The following MC2R variants were observed in gnomAD, a reference collection of about 807,000 sequenced individuals.
MC2R encodes adrenocorticotropic hormone receptor.
Under a neutral mutation model 9.8 loss-of-function variants are expected in MC2R, and 9 were observed. The observed-to-expected ratio is 0.92, with a 90% CI of 0.55 to 1.60. The LOEUF (loss-of-function observed/expected upper bound fraction) is 1.60, where lower values mean the gene tolerates loss of function less well. MC2R is among the 40% of genes most tolerant of loss of function. The pLI is 0.00. For missense variants in MC2R, 370 were observed against 389.0 expected, an observed-to-expected ratio of 0.95 and a Z score of 0.41; for synonymous variants, 185 against 154.7, an observed-to-expected ratio of 1.20 and a Z score of -1.45.
intron 1 of MC2R, among the ~76,000 whole-genome samples, chr18:13,903,260 T>C (rs1179087267): frequency 6.6e-6 from 1 of 152,194 alleles, no homozygotes; most frequent in Non-Finnish European, 1.5e-5. Flanking sequence ...AAAATCAGTA[T>C]GACCATTATG....
chr18:13,886,042 A>G (rs10853245), intron 1 of MC2R, among the ~76,000 whole-genome samples: 85,028 of 149,652 alleles, frequency 0.57, 25,653 homozygotes, highest in African/African-American at 0.79. Flanking sequence ...ACACGTGGAT[A>G]TAGAGTGTGG....
chr18:13,891,090 T>G (rs1004966187), intron 1 of MC2R, among the ~76,000 whole-genome samples: 1 of 152,192 alleles, frequency 6.6e-6, no homozygotes, highest in Admixed American at 6.5e-5. Context: ...TTTGGAAAAC[T>G]GGGCTGTCAA....
intron 1 of MC2R, among the ~76,000 whole-genome samples, chr18:13,912,690 A>G (rs748965120): frequency 3.0e-4 from 46 of 152,196 alleles, no homozygotes; most frequent in South Asian, 1.0e-3. Context: ...GACCATCCCA[A>G]CTGCTTTGCT....
intron 1 of MC2R, among the ~76,000 whole-genome samples, chr18:13,896,794 A>T (rs2045348461): frequency 6.6e-6 from 1 of 152,254 alleles, no homozygotes; most frequent in Admixed American, 6.5e-5. Flanking sequence ...ATATACAATG[A>T]TATTCACTGA....
chr18:13,898,886 C>A (rs566983168), intron 1 of MC2R, among the ~76,000 whole-genome samples: 1 of 152,150 alleles, frequency 6.6e-6, no homozygotes. Flanking sequence ...ATCTGGAAAG[C>A]CTTCCCAAGG....
chr18:13,891,137 T>C (rs879931246), intron 1 of MC2R, among the ~76,000 whole-genome samples: 15 of 152,208 alleles, frequency 9.9e-5, no homozygotes, highest in Non-Finnish European at 7.4e-5. Context: ...GTGGCTCACG[T>C]CCACGGCCAG....
intron 1 of MC2R, among the ~76,000 whole-genome samples, chr18:13,886,381 C>T (rs938276848): frequency 4.6e-5 from 7 of 152,210 alleles, no homozygotes; most frequent in Admixed American, 6.5e-5. Flanking sequence ...CGTGAACACA[C>T]GTGAGTGTGG....
At chr18:13,893,952 A>G (rs2045331590) in intron 1 of MC2R, among the ~76,000 whole-genome samples, 1 of 152,244 alleles carries the variant, frequency 6.6e-6, no homozygotes, top group South Asian at 2.1e-4. Context: ...CCTAAGCAAT[A>G]TTACATTGGA....
intron 1 of MC2R, among the ~76,000 whole-genome samples, chr18:13,886,999 T>G (rs772289050): frequency 1.9e-4 from 29 of 152,218 alleles, no homozygotes; most frequent in Non-Finnish European, 4.1e-4. Flanking sequence ...CTGCCTGGAA[T>G]GGCCAATTTA....
chr18:13,891,514 G>C (rs1328988971), intron 1 of MC2R, among the ~76,000 whole-genome samples: 2 of 152,274 alleles, frequency 1.3e-5, no homozygotes, highest in African/African-American at 2.4e-5. Flanking sequence ...CCTTCCATAG[G>C]GGCTATCCTG....
At chr18:13,890,717 G>A (rs974179893) in intron 1 of MC2R, among the ~76,000 whole-genome samples, 1 of 152,168 alleles carries the variant, frequency 6.6e-6, no homozygotes, top group Non-Finnish European at 1.5e-5. Flanking sequence ...TGTATGTGTG[G>A]ATATGTATGA....
rs1220238601 is a variant in MC2R at position 13,884,278 on chromosome 18, A to C, written c.*347T>G. On this transcript the variant is annotated 3_prime_UTR_variant, in exon 2 of 2. Coordinates refer to ENST00000327606, the MANE Select transcript of MC2R (RefSeq NM_000529.2). The stretch of plus-strand genomic sequence containing the variant: ...TCTTTGCCTTAGCCCAAAGCCCTTG[A>C]ATTTTTATTGCTGTTTTACTAGATT... 1.1e-5 allele frequency: 4 copies of C among 350,722 alleles called. No homozygotes were observed. Among genetic ancestry groups the C allele is most frequent in the Non-Finnish European group, 2.2e-5 (4 of 182,956 alleles). 21.7% of individuals were successfully genotyped at this position (350,722 alleles called of 1,614,324 possible). A position where few individuals can be genotyped will look rare whatever the true frequency, so the allele number is the denominator to read the frequency against.
At position 13,892,805 on chromosome 18, in the gene MC2R, TACACACACACACACACACACACACAC is replaced by T. The variant is rs34352644; in HGVS notation, c.-128-7185_-128-7160del. On this transcript the variant is annotated intron_variant, in intron 1 of 1. Coordinates refer to ENST00000327606, the MANE Select transcript of MC2R (RefSeq NM_000529.2). ...AGAGATGGAGATAGACATAATCTGTTACACACACACACACACACACACACACACACACACACACACACCACACACAC... is the reference window on the plus strand; with the variant it reads ...AGAGATGGAGATAGACATAATCTGTTACACACACACACACACCACACACAC... Among the ~76,000 whole-genome samples, 117 of 147,106 alleles carry T rather than the reference TACACACACACACACACACACACACAC, an allele frequency of 8.0e-4. 3 individuals carry two copies. Among genetic ancestry groups the T allele is most frequent in the Non-Finnish European group, 6.0e-5 (4 of 66,784 alleles).
At chr18:13,894,175 TGAGA>T (rs1237658706) in intron 1 of MC2R, among the ~76,000 whole-genome samples, 10 of 151,944 alleles carry the variant, frequency 6.6e-5, no homozygotes, top group Admixed American at 4.6e-4. Context: ...CATGTGTGTG[TGAGA>T]GAGAGAGAGG....
At chr18:13,888,562 A>G (rs994187432) in intron 1 of MC2R, among the ~76,000 whole-genome samples, 2 of 152,194 alleles carry the variant, frequency 1.3e-5, no homozygotes, top group African/African-American at 2.4e-5. Flanking sequence ...ACCATGTCAC[A>G]CTCCTTTCAC....
intron 1 of MC2R, among the ~76,000 whole-genome samples, chr18:13,899,005 C>A (rs542273303): frequency 7.0e-4 from 107 of 152,266 alleles, no homozygotes; most frequent in African/African-American, 2.5e-3. Context: ...GAAAATATGA[C>A]CTTGCCAAAT....
chr18:13,905,925 G>A (rs368254672), intron 1 of MC2R, among the ~76,000 whole-genome samples: 3 of 152,160 alleles, frequency 2.0e-5, no homozygotes, highest in Admixed American at 1.3e-4. Context: ...GCATGATGAC[G>A]CACACCTGTA....
chr18:13,890,783 G>C (rs528371733), intron 1 of MC2R, among the ~76,000 whole-genome samples: 1 of 152,300 alleles, frequency 6.6e-6, no homozygotes, highest in African/African-American at 2.4e-5. Flanking sequence ...GCCACCTTCA[G>C]AAGTCCGGTC....
Position 13,885,200 on chromosome 18 carries a change from C to A in MC2R, c.319G>T (p.Asp107Tyr). The change falls in exon 2 of 2, where the codon GAC becomes TAC. Residue 107 changes from aspartate (D) to tyrosine (Y), a missense_variant. By Grantham distance (160) the Asp-to-Tyr change is radical (BLOSUM62 -3). Transcript: ENST00000327606. ...SFETTADDII[D>Y]SLFVLSLLGS... is the part of the protein sequence containing the mutation. ...AGCAGGGAGAGGACAAACAGGGAGT[C>A]GATGATGTCATCGGCTGTGGTTTCA... The A allele has an allele frequency of 6.2e-7, 1 of 1,614,008 alleles. No individual in the cohort carries two copies.
Sources: gnomAD v4.1 joint callset for allele counts (sites outside exome capture counted in the v4.1 genomes callset) on GRCh38, gnomAD v4.1.1 for gene constraint, MANE v1.5 for transcripts, NCBI Gene and HGNC (gene_info 2026-07-23, HGNC 2026-07-21) for gene names.